Variants in AGMO observed in about 807,000 individuals in gnomAD.
AGMO encodes the protein glyceryl-ether monooxygenase.
AGMO carries 75 observed loss-of-function variants against 60.2 expected under a neutral mutation model. The observed-to-expected ratio is 1.25, with a 90% CI of 1.03 to 1.51. The LOEUF (loss-of-function observed/expected upper bound fraction) is 1.51, where lower values mean the gene tolerates loss of function less well. AGMO is among the 40% of genes most tolerant of loss of function. The pLI, the probability that AGMO is intolerant of heterozygous loss-of-function variation, is 0.00. For synonymous variants in AGMO, 261 were observed against 177.1 expected, an observed-to-expected ratio of 1.47 and a Z score of -3.76; for missense variants, 763 against 525.5, an observed-to-expected ratio of 1.45 and a Z score of -4.42.
chr7:15,467,325 T>C (rs1403799969), intron 3 of AGMO, among the ~76,000 whole-genome samples: 1 of 152,178 alleles, frequency 6.6e-6, no homozygotes, highest in East Asian at 1.9e-4. Flanking sequence ...GGGTTTCTAG[T>C]GTTGGAGGCA....
At chr7:15,354,413 T>C (rs576288945) in intron 12 of AGMO, among the ~76,000 whole-genome samples, 3,647 of 27,488 alleles carry the variant, frequency 0.13, 537 homozygotes, top group African/African-American at 0.17. Context: ...TGTACACACG[T>C]GTGTGTATAC....
At chr7:15,353,050 C>T (rs1300463372) in intron 12 of AGMO, among the ~76,000 whole-genome samples, 1 of 151,882 alleles carries the variant, frequency 6.6e-6, no homozygotes, top group Non-Finnish European at 1.5e-5. Context: ...AAACGCAGGC[C>T]CTTTGTTATT....
chr7:15,346,307 T>C (rs987463943), intron 12 of AGMO, among the ~76,000 whole-genome samples: 16 of 152,090 alleles, frequency 1.1e-4, no homozygotes, highest in Admixed American at 3.9e-4. Context: ...TCAAATTCCA[T>C]TGGGAAAGAG....
At chr7:15,300,781 C>T (rs889172762) in intron 12 of AGMO, among the ~76,000 whole-genome samples, 3 of 152,174 alleles carry the variant, frequency 2.0e-5, no homozygotes, top group African/African-American at 7.2e-5. Context: ...TTCTGTAGCA[C>T]TGCTTGTCCA....
chr7:15,559,296 G>C (rs1055244813), intron 2 of AGMO, among the ~76,000 whole-genome samples: 1 of 152,066 alleles, frequency 6.6e-6, no homozygotes, highest in Non-Finnish European at 1.5e-5. Context: ...CTAGCAGGAA[G>C]GGCTGAGAGA....
At chr7:15,118,509 C>T in the AGMO span, among the ~76,000 whole-genome samples, 3 of 152,040 alleles carry the variant, frequency 2.0e-5, no homozygotes, top group Non-Finnish European at 4.4e-5. Context: ...ATCACAGTTT[C>T]CCTATCTAAC....
intron 10 of AGMO, among the ~76,000 whole-genome samples, chr7:15,371,847 T>C (rs1265736020): frequency 2.0e-5 from 3 of 152,194 alleles, no homozygotes; most frequent in Non-Finnish European, 4.4e-5. Context: ...CTAATACCAA[T>C]ATTTTATATT....
At chr7:15,485,647 A>G (rs1055383297) in intron 3 of AGMO, among the ~76,000 whole-genome samples, 2 of 152,164 alleles carry the variant, frequency 1.3e-5, no homozygotes, top group Non-Finnish European at 2.9e-5. Context: ...TAGAGAAGTT[A>G]GGGCCTGATG....
At chr7:15,295,325 C>T (rs962742455) in intron 12 of AGMO, among the ~76,000 whole-genome samples, 2 of 151,822 alleles carry the variant, frequency 1.3e-5, no homozygotes, top group Non-Finnish European at 2.9e-5. Context: ...TGAGCACAAA[C>T]TATAAGGTAA....
intron 3 of AGMO, among the ~76,000 whole-genome samples, chr7:15,500,057 G>C (rs188336599): frequency 4.9e-4 from 74 of 151,788 alleles, no homozygotes; most frequent in Non-Finnish European, 1.6e-4. Flanking sequence ...TGTTGTATAT[G>C]AAAGCAAATG....
chr7:15,305,010 T>G (rs1049471267), intron 12 of AGMO, among the ~76,000 whole-genome samples: 1 of 151,938 alleles, frequency 6.6e-6, no homozygotes, highest in African/African-American at 2.4e-5. Context: ...TAGTTGACAT[T>G]GAGTAGTTAA....
intron 3 of AGMO, among the ~76,000 whole-genome samples, chr7:15,513,031 G>A (rs1783715465): frequency 6.6e-6 from 1 of 152,044 alleles, no homozygotes; most frequent in African/African-American, 2.4e-5. Context: ...AATTACTTGT[G>A]AGATTGCCTT....
the AGMO span, among the ~76,000 whole-genome samples, chr7:15,193,944 A>G: frequency 6.6e-6 from 1 of 152,274 alleles, no homozygotes; most frequent in Non-Finnish European, 1.5e-5. Flanking sequence ...AATATTTTTA[A>G]ATTTTCACAA....
At chr7:15,234,844 A>G (rs375465605) in intron 12 of AGMO, among the ~76,000 whole-genome samples, 2 of 152,182 alleles carry the variant, frequency 1.3e-5, no homozygotes, top group Non-Finnish European at 2.9e-5. Context: ...CAATTTTAAC[A>G]TGTAAAAAGT....
chr7:15,286,322 T>A (rs567538850), intron 12 of AGMO, among the ~76,000 whole-genome samples: 93 of 151,978 alleles, frequency 6.1e-4, no homozygotes, highest in Non-Finnish European at 1.1e-3. Context: ...AAACTATGCA[T>A]CTGACAAAGA....
chr7:15,204,337 T>C (rs1196433416), intron 12 of AGMO, among the ~76,000 whole-genome samples: 1 of 152,208 alleles, frequency 6.6e-6, no homozygotes, highest in African/African-American at 2.4e-5. Flanking sequence ...TAGGTCTCCT[T>C]AGTTGATTAG....
intron 12 of AGMO, among the ~76,000 whole-genome samples, chr7:15,287,436 G>A (rs1258456389): frequency 6.6e-6 from 1 of 151,966 alleles, no homozygotes; most frequent in Non-Finnish European, 1.5e-5. Context: ...CCCTGTTCAA[G>A]AATATAAAAT....
chr7:15,170,630 T>C, the AGMO span, among the ~76,000 whole-genome samples: 1 of 152,318 alleles, frequency 6.6e-6, no homozygotes, highest in African/African-American at 2.4e-5. Context: ...TATTTCCATA[T>C]ACTCCATTCC....
chr7:15,528,800 C>A (rs1477118166), intron 3 of AGMO, among the ~76,000 whole-genome samples: 1 of 152,118 alleles, frequency 6.6e-6, no homozygotes, highest in Non-Finnish European at 1.5e-5. Flanking sequence ...AGGCATGCGC[C>A]ACCACACCCG....
Sources: gnomAD v4.1 joint callset for allele counts (sites outside exome capture counted in the v4.1 genomes callset) on GRCh38, gnomAD v4.1.1 for gene constraint, MANE v1.5 for transcripts, NCBI Gene and HGNC (gene_info 2026-07-23, HGNC 2026-07-21) for gene names.